Variants in RBM6 observed in about 807,000 individuals in gnomAD.
RBM6 encodes RNA-binding protein 6.
RBM6 carries 23 observed loss-of-function variants against 140.4 expected under a neutral mutation model. The ratio of observed to expected loss-of-function variants is 0.16; its 90% confidence interval spans 0.12 to 0.23. The LOEUF (loss-of-function observed/expected upper bound fraction) is 0.23, where lower values mean the gene tolerates loss of function less well. Ranked by LOEUF, RBM6 falls within the 10% of genes least tolerant of loss-of-function variation. The pLI, the probability that RBM6 is intolerant of heterozygous loss-of-function variation, is 1.00. For missense variants in RBM6, 1,139 were observed against 1,386.7 expected, an observed-to-expected ratio of 0.82 and a Z score of 2.84; for synonymous variants, 439 against 475.6, an observed-to-expected ratio of 0.92 and a Z score of 1.00.
At chr3:49,982,263 T>C (rs13090465) in intron 5 of RBM6, among the ~76,000 whole-genome samples, 1 of 102,806 alleles carries the variant, frequency 9.7e-6, no homozygotes, top group Non-Finnish European at 2.0e-5. Context: ...TTTTCTTTTC[T>C]TTTTTTTTTT....
intron 6 of RBM6, among the ~76,000 whole-genome samples, chr3:50,021,217 C>T (rs1300237071): frequency 1.3e-5 from 2 of 152,034 alleles, no homozygotes; most frequent in Non-Finnish European, 1.5e-5. Flanking sequence ...TATTTTGATG[C>T]GTATCCTTCC....
chr3:49,969,537 ATTCTT>A (rs1380417267), intron 3 of RBM6, among the ~76,000 whole-genome samples: 1 of 147,416 alleles, frequency 6.8e-6, no homozygotes, highest in African/African-American at 2.5e-5. Flanking sequence ...TTTTTCTTTT[ATTCTT>A]TTCTTCCTGC....
chr3:50,041,179 A>G (rs2088897661), intron 6 of RBM6, among the ~76,000 whole-genome samples: 1 of 152,236 alleles, frequency 6.6e-6, no homozygotes, highest in African/African-American at 2.4e-5. Context: ...GGCAGCTGAC[A>G]GGGCAGTGTC....
Position 50,070,526 on chromosome 3 carries a change from G to T in RBM6, c.3090G>T (p.Arg1030=). Residue 1030 remains arginine (R), a synonymous_variant, in exon 19 of 21, where the codon CGG becomes CGT. Coordinates refer to ENST00000266022, the MANE Select transcript of RBM6 (RefSeq NM_005777.3). ...LQSFDSPERK[R]IKYSRETDSD... The stretch of plus-strand genomic sequence containing the variant: ...CTTTTGACTCTCCAGAAAGGAAACG[G>T]ATTAAGTACTCCAGGGAAACTGACA... 1 of 1,613,698 alleles carries T rather than the reference G, an allele frequency of 6.2e-7. No individual in the cohort carries two copies. The highest frequency in any genetic ancestry group is 2.2e-5 in the East Asian group (1 of 44,870).
chr3:50,055,154 A>G (rs1324683721), intron 8 of RBM6, among the ~76,000 whole-genome samples: 2 of 151,986 alleles, frequency 1.3e-5, no homozygotes, highest in Admixed American at 6.6e-5. Context: ...TGAGCTAGGC[A>G]TGGTGGCTAA....
chr3:50,004,672 T>C (rs2086496827), intron 6 of RBM6, among the ~76,000 whole-genome samples: 1 of 151,904 alleles, frequency 6.6e-6, no homozygotes, highest in Admixed American at 6.6e-5. Flanking sequence ...CAGGCTGGAG[T>C]ACAGTGGTAC....
intron 6 of RBM6, among the ~76,000 whole-genome samples, chr3:50,027,247 A>G (rs537403677): frequency 6.6e-6 from 1 of 152,260 alleles, no homozygotes; most frequent in Admixed American, 6.5e-5. Context: ...ATAGGGCAAA[A>G]AGGGAAGAAT....
intron 6 of RBM6, among the ~76,000 whole-genome samples, chr3:50,044,919 A>G (rs1026129709): frequency 1.3e-5 from 2 of 152,182 alleles, no homozygotes; most frequent in African/African-American, 4.8e-5. Context: ...TTTAAGAGAG[A>G]AAAAGAAACA....
At chr3:49,946,465 C>G (rs1342877961) in intron 1 of RBM6, among the ~76,000 whole-genome samples, 1 of 152,110 alleles carries the variant, frequency 6.6e-6, no homozygotes, top group Non-Finnish European at 1.5e-5. Context: ...GTCTTGAACT[C>G]CTGACGTCAG....
intron 16 of RBM6, 31 bp downstream of exon 16, chr3:50,065,157 G>A: frequency 6.6e-7 from 1 of 1,521,102 alleles, no homozygotes; most frequent in East Asian, 2.3e-5. Context: ...CTGGACCTAG[G>A]GCTGGGGCTG....
intron 5 of RBM6, among the ~76,000 whole-genome samples, chr3:49,981,151 C>T (rs1301946564): frequency 6.6e-6 from 1 of 152,232 alleles, no homozygotes; most frequent in African/African-American, 2.4e-5. Context: ...TCGTCCACCT[C>T]TGCCTCCCAA....
intron 18 of RBM6, among the ~76,000 whole-genome samples, chr3:50,068,987 G>A (rs2090203823): frequency 6.6e-6 from 1 of 152,090 alleles, no homozygotes; most frequent in South Asian, 2.1e-4. Flanking sequence ...TTTAAAAGGT[G>A]GTGTTAGGGT....
chr3:49,964,112 G>A (rs988031014), intron 2 of RBM6, among the ~76,000 whole-genome samples: 1 of 151,930 alleles, frequency 6.6e-6, no homozygotes, highest in Non-Finnish European at 1.5e-5. Context: ...TCACCATGTT[G>A]GCCAGGCTGA....
intron 8 of RBM6, among the ~76,000 whole-genome samples, chr3:50,056,355 C>T (rs530214270): frequency 7.3e-5 from 11 of 151,286 alleles, no homozygotes; most frequent in East Asian, 3.9e-4. Flanking sequence ...AGTGCAGTGG[C>T]GCAATCTCGG....
intron 1 of RBM6, among the ~76,000 whole-genome samples, chr3:49,956,612 G>A (rs1031247117): frequency 3.3e-5 from 5 of 150,816 alleles, no homozygotes; most frequent in African/African-American, 9.7e-5. Flanking sequence ...GATTATAGGC[G>A]TAAGCCATCA....
At chr3:50,013,680 C>T (rs183863628) in intron 6 of RBM6, among the ~76,000 whole-genome samples, 1 of 152,200 alleles carries the variant, frequency 6.6e-6, no homozygotes, top group East Asian at 1.9e-4. Flanking sequence ...TATGTTCTTC[C>T]ATGAGACAGC....
intron 6 of RBM6, among the ~76,000 whole-genome samples, chr3:50,000,685 C>G (rs1221654088): frequency 1.3e-5 from 2 of 152,104 alleles, no homozygotes; most frequent in Non-Finnish European, 2.9e-5. Flanking sequence ...TCCCAAAGTC[C>G]TGGGATTACA....
chr3:49,972,061 T>A lies in RBM6; in HGVS notation c.1326T>A (p.Asp442Glu). 6.2e-7 allele frequency: 1 copy of A among 1,605,202 alleles called. No individual in the cohort carries two copies. Among genetic ancestry groups the A allele is most frequent in the Non-Finnish European group, 8.5e-7 (1 of 1,173,136 alleles). Residue 442 changes from aspartate to glutamate, a missense_variant and splice_region_variant, in exon 4 of 21, where the codon GAT becomes GAA. Transcript: ENST00000266022. Reference protein sequence around the residue: ...TARDAQRDLQDQDYRTGPSEE... With the variant: ...TARDAQRDLQEQDYRTGPSEE... ...TAATTTTTCATTCTCAATTTAAGGA[T>A]CAAGATTATAGGACCGGCCCAAGTG...
At chr3:50,023,552 T>C (rs1170715879) in intron 6 of RBM6, among the ~76,000 whole-genome samples, 1 of 151,974 alleles carries the variant, frequency 6.6e-6, no homozygotes, top group Non-Finnish European at 1.5e-5. Context: ...TAGTATTGGG[T>C]GCTTACAGAG....
Sources: gnomAD v4.1 joint callset for allele counts (sites outside exome capture counted in the v4.1 genomes callset) on GRCh38, gnomAD v4.1.1 for gene constraint, MANE v1.5 for transcripts, NCBI Gene and HGNC (gene_info 2026-07-23, HGNC 2026-07-21) for gene names.